Variants in GPC5 observed in about 807,000 individuals in gnomAD.
The protein encoded by GPC5 is glypican 5.
GPC5 carries 47 observed loss-of-function variants against 53.9 expected under a neutral mutation model. The ratio of observed to expected loss-of-function variants is 0.87; its 90% CI spans 0.69 to 1.11. GPC5 has a LOEUF of 1.11. Among genes scored for constraint, GPC5 ranks in the 50% most tolerant of loss-of-function variants. The pLI, the probability that GPC5 is intolerant of heterozygous loss-of-function variation, is 0.00. For synonymous variants in GPC5, 286 were observed against 263.3 expected (o/e 1.09, Z -0.84); for missense variants, 748 against 713.1 (o/e 1.05, Z -0.56).
intron 7 of GPC5, among the ~76,000 whole-genome samples, chr13:92,341,270 A>T (rs1246403422): frequency 6.6e-6 from 1 of 152,110 alleles, no homozygotes; most frequent in Non-Finnish European, 1.5e-5. Flanking sequence ...ACTTTATCTC[A>T]TCAAGCACGT....
intron 7 of GPC5, among the ~76,000 whole-genome samples, chr13:92,527,173 AGAAAGAAAG>A (rs1215700395): frequency 0.016 from 1,075 of 68,866 alleles, 70 homozygotes; most frequent in Middle Eastern, 0.02. Context: ...AGAAAGAAAG[AGAAAGAAAG>A]AAGAAAGAAA....
chr13:91,993,251 C>T (rs2040473340), intron 6 of GPC5, among the ~76,000 whole-genome samples: 1 of 152,186 alleles, frequency 6.6e-6, no homozygotes, highest in Admixed American at 6.5e-5. Context: ...TCAGCCTTTT[C>T]AGGCCTCAAA....
chr13:92,105,638 A>G (rs774505006), intron 6 of GPC5, among the ~76,000 whole-genome samples: 2 of 151,986 alleles, frequency 1.3e-5, no homozygotes, highest in Non-Finnish European at 2.9e-5. Context: ...TAAATCAAGA[A>G]CCATTCCAAA....
At chr13:92,578,245 A>G (rs1308984565) in intron 7 of GPC5, among the ~76,000 whole-genome samples, 1 of 152,192 alleles carries the variant, frequency 6.6e-6, no homozygotes, top group Non-Finnish European at 1.5e-5. Flanking sequence ...TTAGCCCCAG[A>G]TAGCACTAAA....
intron 6 of GPC5, among the ~76,000 whole-genome samples, chr13:92,045,814 G>C (rs1405906520): frequency 6.6e-6 from 1 of 152,054 alleles, no homozygotes; most frequent in Non-Finnish European, 1.5e-5. Context: ...TTGGGTCTTG[G>C]GATAAATATT....
At chr13:92,185,066 G>A (rs2042174473) in intron 7 of GPC5, among the ~76,000 whole-genome samples, 1 of 152,096 alleles carries the variant, frequency 6.6e-6, no homozygotes, top group East Asian at 1.9e-4. Context: ...GACAGAATGA[G>A]CCCATAGGTT....
chr13:91,637,949 T>C (rs145913867), intron 2 of GPC5, among the ~76,000 whole-genome samples: 2,258 of 152,338 alleles, frequency 0.015, 22 homozygotes, highest in Middle Eastern at 0.037. Context: ...TGTGACTGCC[T>C]GATTTGTTTA....
intron 5 of GPC5, among the ~76,000 whole-genome samples, chr13:91,852,475 TG>T (rs1005019323): frequency 4.6e-5 from 7 of 151,936 alleles, no homozygotes; most frequent in Non-Finnish European, 1.0e-4. Context: ...ATGTCCATGG[TG>T]GTTTACTTGT....
intron 2 of GPC5, among the ~76,000 whole-genome samples, chr13:91,552,061 A>C (rs190802022): frequency 6.6e-6 from 1 of 152,256 alleles, no homozygotes; most frequent in East Asian, 1.9e-4. Flanking sequence ...TTTTACTAAA[A>C]AAGTAAACTG....
chr13:91,879,999 G>A (rs1594636830), intron 5 of GPC5, among the ~76,000 whole-genome samples: 1 of 152,126 alleles, frequency 6.6e-6, no homozygotes, highest in African/African-American at 2.4e-5. Flanking sequence ...TTTGTAAAAT[G>A]AACTGAAAGG....
chr13:92,105,677 T>C (rs537203214), intron 6 of GPC5, among the ~76,000 whole-genome samples: 1 of 152,160 alleles, frequency 6.6e-6, no homozygotes, highest in South Asian at 2.1e-4. Flanking sequence ...GATGGTTTAC[T>C]GATGTCAACA....
At chr13:92,517,727 G>A (rs2138962692) in intron 7 of GPC5, among the ~76,000 whole-genome samples, 1 of 152,122 alleles carries the variant, frequency 6.6e-6, no homozygotes, top group East Asian at 1.9e-4. Flanking sequence ...ACAAAGATGG[G>A]GAAAAAACAA....
intron 7 of GPC5, among the ~76,000 whole-genome samples, chr13:92,707,497 G>T (rs183101089): frequency 5.6e-4 from 85 of 152,162 alleles, no homozygotes; most frequent in Non-Finnish European, 2.9e-5. Context: ...AAAGTAGCAA[G>T]AAAGGCTCAC....
At chr13:92,223,673 G>T (rs1413460476) in intron 7 of GPC5, among the ~76,000 whole-genome samples, 1 of 151,872 alleles carries the variant, frequency 6.6e-6, no homozygotes, top group African/African-American at 2.4e-5. Flanking sequence ...ATGACTCAGG[G>T]TGGTGGTAAA....
chr13:92,790,805 T>G (rs1012246717), intron 7 of GPC5, among the ~76,000 whole-genome samples: 1 of 152,134 alleles, frequency 6.6e-6, no homozygotes, highest in Admixed American at 6.6e-5. Context: ...CCCTCCTTCA[T>G]TGAGAAGCTG....
intron 4 of GPC5, among the ~76,000 whole-genome samples, chr13:91,745,759 A>T (rs2037036489): frequency 1.3e-5 from 2 of 152,162 alleles, no homozygotes; most frequent in African/African-American, 2.4e-5. Context: ...TTTTGAATCA[A>T]ATATGAATGT....
At chr13:92,843,768 C>T (rs959234788) in intron 7 of GPC5, among the ~76,000 whole-genome samples, 3 of 152,138 alleles carry the variant, frequency 2.0e-5, no homozygotes, top group Admixed American at 6.6e-5. Context: ...TTGACTAAAT[C>T]TGTCATCGAT....
rs9583939 is a variant in GPC5 at position 91,493,235 on chromosome 13, A to G, written c.325+44313A>G. ...AATTTTGTGGGTACATACTAGGTGT[A>G]TATATTTGTTGGGTACATGAAATAT... On this transcript the variant is annotated intron_variant, in intron 2 of 7. Transcript: ENST00000377067. Among the ~76,000 whole-genome samples, 1,386 of 152,316 alleles carry G rather than the reference A, an allele frequency of 9.1e-3. 21 individuals are homozygous for G. The highest frequency in any genetic ancestry group is 0.029 in the African/African-American group (1,188 of 41,570).
At chr13:92,078,131 G>A (rs2041267732) in intron 6 of GPC5, among the ~76,000 whole-genome samples, 1 of 152,056 alleles carries the variant, frequency 6.6e-6, no homozygotes, top group Non-Finnish European at 1.5e-5. Context: ...ATTAGCTAAA[G>A]ACCATTTACA....
Sources: gnomAD v4.1 joint callset for allele counts (sites outside exome capture counted in the v4.1 genomes callset) on GRCh38, gnomAD v4.1.1 for gene constraint, MANE v1.5 for transcripts, NCBI Gene and HGNC (gene_info 2026-07-23, HGNC 2026-07-21) for gene names.